The following CFAP61 variants were observed in gnomAD, a reference collection of about 807,000 sequenced individuals.
CFAP61 encodes cilia and flagella associated protein 61.
CFAP61 carries 107 observed loss-of-function variants against 135.6 expected under a neutral mutation model. The ratio of observed to expected loss-of-function variants is 0.79; its 90% CI spans 0.67 to 0.93. The LOEUF (loss-of-function observed/expected upper bound fraction) is 0.93. Ranked by LOEUF, CFAP61 falls within the 40% of genes least tolerant of loss-of-function variation. The pLI is 0.00. For missense variants in CFAP61, 1,507 were observed against 1,556.2 expected (o/e 0.97, Z 0.53); for synonymous variants, 575 against 578.5 (o/e 0.99, Z 0.09).
At chr20:20,165,478 A>C (rs1042541175) in intron 11 of CFAP61, among the ~76,000 whole-genome samples, 1 of 151,810 alleles carries the variant, frequency 6.6e-6, no homozygotes, top group Admixed American at 6.6e-5. Context: ...CTTTGTCTAA[A>C]GCCCCGGCGC....
At chr20:20,059,426 G>T (rs1405841362) in intron 2 of CFAP61, among the ~76,000 whole-genome samples, 1 of 148,920 alleles carries the variant, frequency 6.7e-6, no homozygotes, top group East Asian at 2.0e-4. Context: ...AGACCAACCT[G>T]GCCTATATGG....
intron 9 of CFAP61, among the ~76,000 whole-genome samples, chr20:20,157,450 T>TA (rs2053016006): frequency 6.6e-6 from 1 of 152,200 alleles, no homozygotes; most frequent in Non-Finnish European, 1.5e-5. Flanking sequence ...GGAATAGAAT[T>TA]AAACAACTCA....
intron 8 of CFAP61, among the ~76,000 whole-genome samples, chr20:20,100,156 T>C (rs1390938414): frequency 6.6e-6 from 1 of 151,474 alleles, no homozygotes; most frequent in African/African-American, 2.4e-5. Context: ...AATTCTTCTT[T>C]GAAAGCAGCA....
chr20:20,065,460 C>A (rs2045176435), intron 2 of CFAP61, among the ~76,000 whole-genome samples: 1 of 151,760 alleles, frequency 6.6e-6, no homozygotes. Flanking sequence ...AGCGTATTTT[C>A]AGAAGTAAAA....
Position 20,166,440 on chromosome 20 carries a change from A to G in CFAP61, c.1245+4A>G. 6.2e-7 allele frequency: 1 copy of G among 1,611,226 alleles called. No individual in the cohort carries two copies. The highest frequency in any genetic ancestry group is 1.1e-5 in the South Asian group (1 of 90,994). ...TTTTGTTTTCAGTCTTTTTTCTGTA[A>G]GTACATGCTGAATTTTGAGAACTGA... On this transcript the variant is annotated splice_donor_region_variant and intron_variant, in intron 12 of 26. Transcript: ENST00000245957.
chr20:20,316,209 T>G (rs2057130377), intron 25 of CFAP61, among the ~76,000 whole-genome samples: 1 of 152,172 alleles, frequency 6.6e-6, no homozygotes, highest in Non-Finnish European at 1.5e-5. Flanking sequence ...TCCTCATTTA[T>G]TTCCTTGAGC....
chr20:20,291,498 AT>A (rs2054995062), intron 24 of CFAP61, among the ~76,000 whole-genome samples: 1 of 152,012 alleles, frequency 6.6e-6, no homozygotes, highest in African/African-American at 2.4e-5. Flanking sequence ...TTGATAGCTC[AT>A]TTCTTTTTGG....
chr20:20,265,579 C>G, intron 21 of CFAP61: 1 of 758,900 alleles, frequency 1.3e-6, no homozygotes, highest in Admixed American at 1.8e-5. Flanking sequence ...CACCAAATAG[C>G]CAGGATAAGA....
In CFAP61 at chr20:20,057,409, G is replaced by C. The variant is rs531052397; in HGVS notation, c.143+613G>C. Among the ~76,000 whole-genome samples, 15 of 152,260 alleles carry C rather than the reference G, an allele frequency of 9.9e-5. No homozygotes were observed. The South Asian group carries it at 2.7e-3, about 27-fold the overall frequency. ...AACAAGTTAATAATATTAGCTGCCA[G>C]ATTTTGAGAAATTAGTTTATGTCAG... On this transcript the variant is annotated intron_variant, in intron 2 of 26. Transcript: ENST00000245957.
Position 20,109,336 on chromosome 20 carries a change from T to C in CFAP61, c.859+10522T>C, listed in dbSNP as rs2048632453. Among the ~76,000 whole-genome samples the C allele has an allele frequency of 2.6e-5, 4 of 152,232 alleles. 1 individual carries two copies. The highest frequency in any genetic ancestry group is 2.6e-4 in the Admixed American group (4 of 15,288). On this transcript the variant is annotated intron_variant, in intron 8 of 26. Transcript: ENST00000245957. Reference sequence around the variant, plus strand: ...GTATTAGCTCTACCCTGATTTTCACTTGGAATCAACTGATCCTGTTTTACT... The same window carrying C: ...GTATTAGCTCTACCCTGATTTTCACCTGGAATCAACTGATCCTGTTTTACT...
At chr20:20,283,555 T>C (rs541135211) in intron 22 of CFAP61, among the ~76,000 whole-genome samples, 1 of 152,352 alleles carries the variant, frequency 6.6e-6, no homozygotes, top group South Asian at 2.1e-4. Flanking sequence ...TACTAGTTTA[T>C]AGCTCTAGTC....
chr20:20,184,245 CAT>C (rs1316825211), intron 13 of CFAP61, among the ~76,000 whole-genome samples: 7 of 152,252 alleles, frequency 4.6e-5, no homozygotes, highest in Admixed American at 3.3e-4. Flanking sequence ...TGTAAAAAAA[CAT>C]GTAATAAGCA....
In CFAP61 at chr20:20,323,056, T is replaced by G. The variant is rs1466358571; in HGVS notation, c.3423-18775T>G. On this transcript the variant is annotated intron_variant, in intron 25 of 26. Coordinates refer to ENST00000245957, the MANE Select transcript of CFAP61 (RefSeq NM_015585.4). ...AGCTCTGACTTTGTGATCACTGTTC[T>G]TAGACAAAGCACTGCTGCCCTGGGG... is the stretch of plus-strand genomic sequence containing the variant. 3.0e-6 allele frequency: 3 copies of G among 985,340 alleles called. No homozygotes were observed. In the East Asian group the frequency reaches 3.4e-4, roughly 112 times the overall value. The allele number at this position is 985,340 out of a possible 1,614,324, so 61.0% of individuals were successfully genotyped here. A position where few individuals can be genotyped will look rare whatever the true frequency, so the allele number is the denominator to read the frequency against.
chr20:20,075,283 C>A, intron 5 of CFAP61, 27 bp downstream of exon 5: 3 of 1,607,582 alleles, frequency 1.9e-6, no homozygotes, highest in Non-Finnish European at 2.6e-6. Flanking sequence ...CACCTCTGGT[C>A]CCCGGTAGCA....
At chr20:20,226,319 C>G (rs936871588) in intron 17 of CFAP61, 38 of 152,228 alleles carry the variant, frequency 2.5e-4, no homozygotes, top group African/African-American at 9.2e-4. Context: ...AGAACATGCT[C>G]TGGCTCTCTT....
At chr20:20,263,968 T>A (rs2052482396) in intron 21 of CFAP61, among the ~76,000 whole-genome samples, 1 of 152,170 alleles carries the variant, frequency 6.6e-6, no homozygotes, top group Non-Finnish European at 1.5e-5. Context: ...ATTTATTTAA[T>A]ACATGTATAT....
intron 14 of CFAP61, 85 bp downstream of exon 14, chr20:20,188,141 T>G: frequency 6.9e-7 from 1 of 1,456,830 alleles, no homozygotes; most frequent in Non-Finnish European, 9.5e-7. Context: ...TCCTTGGATC[T>G]GAGTTGGAAA....
At chr20:20,205,447 A>G (rs2056816559) in intron 17 of CFAP61, among the ~76,000 whole-genome samples, 1 of 152,204 alleles carries the variant, frequency 6.6e-6, no homozygotes, top group East Asian at 1.9e-4. Flanking sequence ...CTACAGATAT[A>G]CTTTCCTACC....
At chr20:20,289,798 C>G (rs2054871478) in intron 23 of CFAP61, among the ~76,000 whole-genome samples, 1 of 152,260 alleles carries the variant, frequency 6.6e-6, no homozygotes, top group South Asian at 2.1e-4. Context: ...GAAGCCAGAG[C>G]TGGCACAGGC....
Sources: gnomAD v4.1 joint callset for allele counts (sites outside exome capture counted in the v4.1 genomes callset) on GRCh38, gnomAD v4.1.1 for gene constraint, MANE v1.5 for transcripts, NCBI Gene and HGNC (gene_info 2026-07-23, HGNC 2026-07-21) for gene names.